Variants in PIK3CA observed in about 807,000 individuals in gnomAD.
PIK3CA encodes phosphatidylinositol-4,5-bisphosphate 3-kinase catalytic subunit alpha, also known as phosphatidylinositol 4,5-bisphosphate 3-kinase catalytic subunit alpha isoform.
PIK3CA carries 27 observed loss-of-function variants against 138.2 expected under a neutral mutation model. The observed-to-expected ratio is 0.20, with a 90% CI of 0.14 to 0.27. The LOEUF is 0.27. Among genes scored for constraint, PIK3CA ranks in the 10% least tolerant of loss-of-function variants. PIK3CA has a pLI of 1.00. For missense variants in PIK3CA, 544 were observed against 1,277.4 expected (o/e 0.43, Z 8.75); for synonymous variants, 358 against 413.2 (o/e 0.87, Z 1.62).
rs113513931 is a variant in PIK3CA at position 179,164,087 on chromosome 3, A to G, written c.-77+15484A>G. Reference sequence around the variant, plus strand: ...AGAAAATGTTTATGAAGAGTTTACAATAATTTGCGGAAATGTTTTTGTAGT... The same window carrying G: ...AGAAAATGTTTATGAAGAGTTTACAGTAATTTGCGGAAATGTTTTTGTAGT... On this transcript the variant is annotated intron_variant, in intron 1 of 20. Transcript: ENST00000263967. Among the ~76,000 whole-genome samples the G allele has an allele frequency of 1.4e-3, 206 of 152,326 alleles. 3 individuals carry two copies. The highest frequency in any genetic ancestry group is 4.5e-3 in the African/African-American group (186 of 41,570).
At chr3:179,170,049 T>C (rs1023019109) in intron 1 of PIK3CA, among the ~76,000 whole-genome samples, 4 of 143,024 alleles carry the variant, frequency 2.8e-5, no homozygotes, top group Non-Finnish European at 6.0e-5. Flanking sequence ...AGCACAGACA[T>C]GCACATGCGC....
intron 1 of PIK3CA, among the ~76,000 whole-genome samples, chr3:179,168,510 G>A (rs1366195855): frequency 6.6e-6 from 1 of 152,002 alleles, no homozygotes; most frequent in African/African-American, 2.4e-5. Context: ...AAACATGTAA[G>A]TCTCTCCAGC....
Position 179,210,344 on chromosome 3 carries a change from G to A in PIK3CA, c.1404+6G>A. On this transcript the variant is annotated splice_donor_region_variant and intron_variant, in intron 8 of 20. Coordinates refer to ENST00000263967, the MANE Select transcript of PIK3CA (RefSeq NM_006218.4). ...CTGGATCAAATCCAAATAAAGTAAG[G>A]TTTTTATTGTCATAAATTAGATATT... 3 of 1,584,660 alleles carry A rather than the reference G, an allele frequency of 1.9e-6. No homozygotes were observed. In the South Asian group the frequency reaches 3.5e-5, roughly 19 times the overall value.
chr3:179,161,522 C>A (rs1157232201), intron 1 of PIK3CA, among the ~76,000 whole-genome samples: 1 of 151,940 alleles, frequency 6.6e-6, no homozygotes, highest in African/African-American at 2.4e-5. Context: ...CATGGCAAAA[C>A]CCCGTCTCTA....
At chr3:179,224,312 T>G in intron 15 of PIK3CA, 125 bp downstream of exon 15, 1 of 552,380 alleles carries the variant, frequency 1.8e-6, no homozygotes, top group Non-Finnish European at 3.2e-6. Flanking sequence ...TCTCTCATTC[T>G]CCTACCCTCA....
intron 9 of PIK3CA, among the ~76,000 whole-genome samples, chr3:179,217,645 G>A (rs183123226): frequency 0.051 from 7,736 of 151,774 alleles, 214 homozygotes; most frequent in Non-Finnish European, 0.057. Context: ...ACATTGCTTG[G>A]AATTATACAA....
intron 14 of PIK3CA, among the ~76,000 whole-genome samples, chr3:179,221,696 CTTTTTTTT>C (rs200211358): frequency 5.2e-5 from 4 of 77,584 alleles, no homozygotes; most frequent in South Asian, 4.4e-4. Context: ...ACAATGTAAA[CTTTTTTTT>C]TTTTTTTTTT....
At chr3:179,200,584 A>AACTT (rs1264510426) in intron 3 of PIK3CA, among the ~76,000 whole-genome samples, 37 of 152,310 alleles carry the variant, frequency 2.4e-4, no homozygotes, top group African/African-American at 8.2e-4. Context: ...AAGTAGTTTA[A>AACTT]TGCAACATAA....
intron 1 of PIK3CA, among the ~76,000 whole-genome samples, chr3:179,152,071 A>G (rs1350580859): frequency 6.6e-6 from 1 of 152,226 alleles, no homozygotes; most frequent in African/African-American, 2.4e-5. Flanking sequence ...TATAGTAGAG[A>G]CAGACTTCTT....
At chr3:179,165,346 G>T (rs1340260887) in intron 1 of PIK3CA, among the ~76,000 whole-genome samples, 4 of 152,154 alleles carry the variant, frequency 2.6e-5, no homozygotes, top group Non-Finnish European at 5.9e-5. Flanking sequence ...CCAGACCCTA[G>T]AAATTCTGGT....
At chr3:179,231,630 CTTTTTTTT>C (rs144349648) in intron 20 of PIK3CA, among the ~76,000 whole-genome samples, 2 of 50,384 alleles carry the variant, frequency 4.0e-5, no homozygotes, top group African/African-American at 2.0e-4. Flanking sequence ...CCTTAGCCCA[CTTTTTTTT>C]TTTTTTTTTT....
chr3:179,231,123 C>CAA (rs1235103314), intron 20 of PIK3CA, among the ~76,000 whole-genome samples: 1 of 152,126 alleles, frequency 6.6e-6, no homozygotes. Context: ...CCAGTTGCTG[C>CAA]AAAAGACATT....
intron 1 of PIK3CA, among the ~76,000 whole-genome samples, chr3:179,157,825 T>C (rs773251071): frequency 2.2e-4 from 34 of 152,138 alleles, no homozygotes; most frequent in Non-Finnish European, 2.6e-4. Context: ...TCGAGATTAC[T>C]AGTTTTGTAA....
At chr3:179,223,096 ATGAG>A (rs1725004913) in intron 14 of PIK3CA, among the ~76,000 whole-genome samples, 1 of 152,236 alleles carries the variant, frequency 6.6e-6, no homozygotes, top group South Asian at 2.1e-4. Context: ...TGTTGTAACA[ATGAG>A]TGATAAAATA....
intron 1 of PIK3CA, among the ~76,000 whole-genome samples, chr3:179,172,896 G>A (rs1723595240): frequency 6.6e-6 from 1 of 152,076 alleles, no homozygotes; most frequent in African/African-American, 2.4e-5. Context: ...ACACTTACAA[G>A]TACCTGATTT....
chr3:179,206,165 C>G (rs1382283111), intron 6 of PIK3CA, among the ~76,000 whole-genome samples: 1 of 135,130 alleles, frequency 7.4e-6, no homozygotes, highest in Non-Finnish European at 1.5e-5. Context: ...GTAAGCGATT[C>G]TCCTGCCTCA....
rs1725364766 is a variant in PIK3CA at position 179,238,040 on chromosome 3, T to G, written c.*3676T>G. ...AAAGACAACTTTCATACTTCAGATG[T>G]TTTTGAGAAGAGGGGAATGTGAGGG... On this transcript the variant is annotated 3_prime_UTR_variant, in exon 21 of 21. Transcript: ENST00000263967. 4.5e-6 allele frequency: 1 copy of G among 222,386 alleles called. No homozygotes were observed. 13.8% of individuals were successfully genotyped at this position (222,386 alleles called of 1,614,324 possible). A position where few individuals can be genotyped will look rare whatever the true frequency, so the allele number is the denominator to read the frequency against.
At chr3:179,166,435 G>A (rs922790384) in intron 1 of PIK3CA, among the ~76,000 whole-genome samples, 4 of 152,152 alleles carry the variant, frequency 2.6e-5, no homozygotes, top group Non-Finnish European at 5.9e-5. Context: ...GGGTAAAGGT[G>A]TTTTAATAAA....
chr3:179,204,193 G>A (rs1235331024), intron 5 of PIK3CA, among the ~76,000 whole-genome samples: 2 of 152,158 alleles, frequency 1.3e-5, no homozygotes, highest in African/African-American at 2.4e-5. Context: ...GTAGTATTTA[G>A]TAAGTACGTG....
Sources: gnomAD v4.1 joint callset for allele counts (sites outside exome capture counted in the v4.1 genomes callset) on GRCh38, gnomAD v4.1.1 for gene constraint, MANE v1.5 for transcripts, NCBI Gene and HGNC (gene_info 2026-07-23, HGNC 2026-07-21) for gene names.